Variants in SOX6 observed in about 807,000 individuals in gnomAD.
SOX6 encodes the protein transcription factor SOX-6.
SOX6 carries 11 observed loss-of-function variants against 97.8 expected under a neutral mutation model. That is an observed-to-expected ratio of 0.11 (90% CI 0.07 to 0.19). The LOEUF (loss-of-function observed/expected upper bound fraction) is 0.19, where lower values mean the gene tolerates loss of function less well. SOX6 is among the 10% of genes least tolerant of loss of function. The pLI, the probability that SOX6 is intolerant of heterozygous loss-of-function variation, is 1.00. For synonymous variants in SOX6, 360 were observed against 371.4 expected (o/e 0.97, Z 0.35); for missense variants, 810 against 1,039.5 (o/e 0.78, Z 3.04).
chr11:16,729,264 A>G (rs1590067137), intron 2 of SOX6, among the ~76,000 whole-genome samples: 1 of 152,328 alleles, frequency 6.6e-6, no homozygotes, highest in African/African-American at 2.4e-5. Context: ...AGCAACCCCA[A>G]GAAACATAAT....
chr11:16,194,578 C>G (rs1026079230), intron 4 of SOX6, among the ~76,000 whole-genome samples: 2 of 152,124 alleles, frequency 1.3e-5, no homozygotes, highest in African/African-American at 4.8e-5. Context: ...TCTTGATATT[C>G]ACCTTTAAAA....
intron 3 of SOX6, among the ~76,000 whole-genome samples, chr11:16,682,061 G>A (rs1453767115): frequency 2.6e-5 from 4 of 152,210 alleles, no homozygotes; most frequent in Admixed American, 6.5e-5. Context: ...CATTCCTTTT[G>A]AAACTATTCC....
chr11:16,105,075 A>G (rs1849045606), intron 7 of SOX6, among the ~76,000 whole-genome samples: 1 of 152,064 alleles, frequency 6.6e-6, no homozygotes, highest in African/African-American at 2.4e-5. Flanking sequence ...CCAAAACCAG[A>G]TAAAGATATC....
chr11:16,001,193 C>G (rs978766670), intron 13 of SOX6, among the ~76,000 whole-genome samples: 1 of 152,028 alleles, frequency 6.6e-6, no homozygotes, highest in African/African-American at 2.4e-5. Context: ...AATCAGAGTA[C>G]CAAAGTATTT....
intron 1 of SOX6, among the ~76,000 whole-genome samples, chr11:16,440,527 T>G (rs536588202): frequency 1.3e-5 from 2 of 152,144 alleles, no homozygotes; most frequent in South Asian, 4.1e-4. Flanking sequence ...ACACTGTGTA[T>G]CTGAATGACA....
intron 3 of SOX6, among the ~76,000 whole-genome samples, chr11:16,637,539 AT>A (rs1407824926): frequency 6.6e-6 from 1 of 152,212 alleles, no homozygotes; most frequent in African/African-American, 2.4e-5. Flanking sequence ...TTCAAAATAA[AT>A]TTATTAAACT....
chr11:16,609,442 C>CT (rs147659822), intron 4 of SOX6, among the ~76,000 whole-genome samples: 3,129 of 152,246 alleles, frequency 0.021, 116 homozygotes, highest in African/African-American at 0.072. Context: ...TCGAAAGAGA[C>CT]TTTGTGAAAG....
intron 1 of SOX6, among the ~76,000 whole-genome samples, chr11:16,460,116 A>C (rs1859893315): frequency 6.6e-6 from 1 of 152,086 alleles, no homozygotes; most frequent in African/African-American, 2.4e-5. Flanking sequence ...GAATTACAGC[A>C]GACTGATTTT....
At chr11:16,674,022 T>C (rs894657373) in intron 3 of SOX6, among the ~76,000 whole-genome samples, 44 of 151,828 alleles carry the variant, frequency 2.9e-4, no homozygotes, top group Admixed American at 6.6e-4. Flanking sequence ...ACCCCGTCTC[T>C]ACTAAAAAAT....
chr11:16,355,221 A>T (rs1857042383), intron 1 of SOX6, among the ~76,000 whole-genome samples: 1 of 152,204 alleles, frequency 6.6e-6, no homozygotes, highest in East Asian at 1.9e-4. Flanking sequence ...CCTAAAGACC[A>T]AACTCACAAA....
At chr11:16,331,131 C>T (rs779604764) in intron 2 of SOX6, among the ~76,000 whole-genome samples, 1 of 152,114 alleles carries the variant, frequency 6.6e-6, no homozygotes, top group Non-Finnish European at 1.5e-5. Flanking sequence ...TCCTCATGCT[C>T]TCCTCCTCTG....
intron 6 of SOX6, among the ~76,000 whole-genome samples, chr11:16,145,868 A>G (rs1187286355): frequency 1.3e-5 from 2 of 152,220 alleles, no homozygotes. Context: ...AAACAAATGG[A>G]AGAACATTCC....
intron 4 of SOX6, among the ~76,000 whole-genome samples, chr11:16,485,752 G>A (rs1311225015): frequency 6.7e-6 from 1 of 150,014 alleles, no homozygotes; most frequent in African/African-American, 2.5e-5. Flanking sequence ...AAATTAGCCA[G>A]GCATGGTGGC....
chr11:16,637,925 T>A (rs568982225), intron 3 of SOX6, among the ~76,000 whole-genome samples: 26 of 152,162 alleles, frequency 1.7e-4, no homozygotes, highest in African/African-American at 6.3e-4. Flanking sequence ...TTTTTTTTTT[T>A]TTTATACTTT....
intron 14 of SOX6, 93 bp from the exon 15 acceptor site, chr11:15,986,513 T>C: frequency 3.3e-6 from 4 of 1,224,446 alleles, no homozygotes; most frequent in Non-Finnish European, 4.7e-6. Context: ...ACTTCACTCA[T>C]CTGTGCGCTG....
chr11:16,134,298 A>G (rs1246031964), intron 6 of SOX6, among the ~76,000 whole-genome samples: 1 of 152,188 alleles, frequency 6.6e-6, no homozygotes, highest in Middle Eastern at 3.2e-3. Context: ...CATATTGCCT[A>G]ATGATGCTGA....
At chr11:15,992,067 A>G (rs1023483278) in intron 13 of SOX6, among the ~76,000 whole-genome samples, 2 of 152,326 alleles carry the variant, frequency 1.3e-5, no homozygotes, top group African/African-American at 4.8e-5. Context: ...CTCACATGTA[A>G]TGCTTCCAGA....
chr11:16,087,892 C>T (rs2133963726), intron 9 of SOX6, among the ~76,000 whole-genome samples: 1 of 152,130 alleles, frequency 6.6e-6, no homozygotes, highest in Non-Finnish European at 1.5e-5. Flanking sequence ...GAATTTTAGA[C>T]TGTATAATTC....
Position 16,417,044 on chromosome 11 carries a change from T to C in SOX6, c.-5+59271A>G, listed in dbSNP as rs544424787. The stretch of plus-strand genomic sequence containing the variant: ...TAACCAGCCAGCCTTGGTGAGAAAG[T>C]GGAAGTATTGTCCTGCTTGAAGAGA... On this transcript the variant is annotated intron_variant, in intron 1 of 15. Coordinates refer to the SOX6 transcript ENST00000396356. Among the ~76,000 whole-genome samples the C allele has an allele frequency of 4.6e-5, 7 of 152,226 alleles. No homozygotes were observed. In the South Asian group the frequency reaches 1.5e-3, roughly 32 times the overall value.
Sources: allele counts gnomAD v4.1 joint callset (sites outside exome capture counted in the v4.1 genomes callset), GRCh38; gene constraint gnomAD v4.1.1; transcripts MANE v1.5; gene names NCBI Gene and HGNC (gene_info 2026-07-23, HGNC 2026-07-21).